CAMK2D: variants seen among roughly 807,000 people sequenced by gnomAD.
CAMK2D encodes calcium/calmodulin dependent protein kinase II delta, also known as calcium/calmodulin-dependent protein kinase type II subunit delta.
In CAMK2D, 37 loss-of-function variants were observed where a neutral mutation model predicts 84.0. That is an observed-to-expected ratio of 0.44 (90% CI 0.34 to 0.58). The LOEUF (loss-of-function observed/expected upper bound fraction) is 0.58. Ranked by LOEUF, CAMK2D falls within the 20% of genes least tolerant of loss-of-function variation. The pLI is 0.02. For synonymous variants in CAMK2D, 202 were observed against 212.5 expected, an observed-to-expected ratio of 0.95 and a Z score of 0.43; for missense variants, 448 against 652.5, an observed-to-expected ratio of 0.69 and a Z score of 3.41.
At chr4:113,602,742 C>G (rs770965696) in intron 4 of CAMK2D, among the ~76,000 whole-genome samples, 4 of 152,184 alleles carry the variant, frequency 2.6e-5, no homozygotes, top group African/African-American at 9.7e-5. Flanking sequence ...AGTTACTCAT[C>G]TCTGAGTGCT....
At position 113,499,971 on chromosome 4, in the gene CAMK2D, T is replaced by C. The variant is rs144225426; in HGVS notation, c.1135+492A>G. 3.9e-3 allele frequency among the ~76,000 whole-genome samples: 588 copies of C among 152,180 alleles called. 1 individual carries two copies. Among genetic ancestry groups the C allele is most frequent in the Non-Finnish European group, 6.2e-3 (419 of 67,974 alleles). Reference sequence around the variant, plus strand: ...AAGTGAATGGAGGTCAAGAATACCTTTGGAATGTACACAAAAAGCTAGGAT... The same window carrying C: ...AAGTGAATGGAGGTCAAGAATACCTCTGGAATGTACACAAAAAGCTAGGAT... On this transcript the variant is annotated intron_variant, in intron 16 of 20. Coordinates refer to ENST00000511664, the MANE Select transcript of CAMK2D (RefSeq NM_001321571.2).
intron 4 of CAMK2D, among the ~76,000 whole-genome samples, chr4:113,575,651 C>A (rs185750145): frequency 1.3e-5 from 2 of 152,268 alleles, no homozygotes; most frequent in Admixed American, 1.3e-4. Context: ...AGTCAGTCAG[C>A]TCTTTATTCT....
Position 113,457,398 on chromosome 4 carries a change from C to T in CAMK2D, c.1472G>A (p.Arg491His), listed in dbSNP as rs369980399. Residue 491 changes from arginine (R) to histidine (H), a missense_variant, in exon 19 of 21, where the codon CGC (arginine) becomes CAC (histidine). Arg to His is a conservative substitution (Grantham distance 29, BLOSUM62 0). This residue lies in a region of CAMK2D where 219 missense variants were observed against 272.1 expected (regional missense o/e 0.80). Coordinates refer to ENST00000511664, the MANE Select transcript of CAMK2D (RefSeq NM_001321571.2). Reference protein sequence around the residue: ...MQSEETRVWHRRDGKWQNVHF... With the variant: ...MQSEETRVWHHRDGKWQNVHF... ...AACATTCTGCCACTTTCCATCCCGGCGGTGCCACACACGAGTCTCTTCTGA... is the reference window on the plus strand; with the variant it reads ...AACATTCTGCCACTTTCCATCCCGGTGGTGCCACACACGAGTCTCTTCTGA... 47 of 1,613,658 alleles carry T rather than the reference C, an allele frequency of 2.9e-5. 1 individual carries two copies. Among genetic ancestry groups the T allele is most frequent in the African/African-American group, 8.0e-5 (6 of 74,874 alleles).
intron 4 of CAMK2D, among the ~76,000 whole-genome samples, chr4:113,606,486 C>T (rs112458712): frequency 0.073 from 10,864 of 148,556 alleles, 1,316 homozygotes; most frequent in African/African-American, 0.26. Flanking sequence ...CAGAGTGAGA[C>T]TCTGTCTCAG....
intron 2 of CAMK2D, among the ~76,000 whole-genome samples, chr4:113,675,575 A>C (rs2099314907): frequency 6.6e-6 from 1 of 152,164 alleles, no homozygotes; most frequent in Non-Finnish European, 1.5e-5. Flanking sequence ...TTCCACAAAA[A>C]GTTAGTATAA....
chr4:113,594,021 T>C (rs987707816), intron 4 of CAMK2D, among the ~76,000 whole-genome samples: 2 of 152,196 alleles, frequency 1.3e-5, no homozygotes. Flanking sequence ...TTCTTCAGGC[T>C]GCACAGGAAG....
intron 18 of CAMK2D, among the ~76,000 whole-genome samples, chr4:113,457,794 T>C (rs1002798321): frequency 1.3e-5 from 2 of 152,226 alleles, no homozygotes; most frequent in Non-Finnish European, 2.9e-5. Context: ...CAGGCATTTA[T>C]ATGCTCTCTG....
At chr4:113,494,527 C>A (rs1022313307) in intron 16 of CAMK2D, among the ~76,000 whole-genome samples, 2 of 152,180 alleles carry the variant, frequency 1.3e-5, no homozygotes. Flanking sequence ...GCTGGGAGAA[C>A]CACTGCTCTC....
At chr4:113,567,518 T>C (rs2154217933) in intron 4 of CAMK2D, among the ~76,000 whole-genome samples, 1 of 152,276 alleles carries the variant, frequency 6.6e-6, no homozygotes, top group East Asian at 1.9e-4. Context: ...CAGGGGGAAA[T>C]CTTAGATCCC....
chr4:113,471,730 G>A (rs558607938), intron 16 of CAMK2D, among the ~76,000 whole-genome samples: 1 of 151,920 alleles, frequency 6.6e-6, no homozygotes, highest in African/African-American at 2.4e-5. Context: ...CTCCCACACC[G>A]GCCTCTCTCA....
chr4:113,550,598 A>T (rs1349648539), intron 5 of CAMK2D, among the ~76,000 whole-genome samples: 2 of 152,226 alleles, frequency 1.3e-5, no homozygotes, highest in African/African-American at 2.4e-5. Flanking sequence ...AATTTCAACC[A>T]GTATTTTTCA....
At chr4:113,473,255 C>A (rs1488885203) in intron 16 of CAMK2D, among the ~76,000 whole-genome samples, 4 of 152,152 alleles carry the variant, frequency 2.6e-5, no homozygotes, top group Admixed American at 6.5e-5. Context: ...ACAAAATTAA[C>A]CCTTGGGAAT....
chr4:113,709,972 T>C (rs1409277693), intron 2 of CAMK2D, among the ~76,000 whole-genome samples: 3 of 151,036 alleles, frequency 2.0e-5, no homozygotes, highest in Non-Finnish European at 4.4e-5. Flanking sequence ...TTCCATGGTT[T>C]GATTCTGTTA....
chr4:113,677,584 T>C (rs2099323791), intron 2 of CAMK2D: 1 of 974,820 alleles, frequency 1.0e-6, no homozygotes, highest in African/African-American at 1.8e-5. Context: ...GAGCCTTCTC[T>C]AAGAGTCAAG....
At chr4:113,560,370 G>A (rs893462621) in intron 4 of CAMK2D, among the ~76,000 whole-genome samples, 6 of 151,982 alleles carry the variant, frequency 3.9e-5, no homozygotes, top group Admixed American at 1.3e-4. Context: ...CATGCTAATG[G>A]ACAAGAATAT....
At chr4:113,623,298 T>TA (rs1194590009) in intron 3 of CAMK2D, among the ~76,000 whole-genome samples, 1 of 152,056 alleles carries the variant, frequency 6.6e-6, no homozygotes, top group Non-Finnish European at 1.5e-5. Flanking sequence ...AAGTATTTTA[T>TA]AAAAAATAAA....
At chr4:113,494,248 G>GT (rs769045249) in intron 16 of CAMK2D, among the ~76,000 whole-genome samples, 15 of 152,260 alleles carry the variant, frequency 9.9e-5, no homozygotes, top group African/African-American at 3.1e-4. Flanking sequence ...TTTCTTTTCT[G>GT]TTTTTTCCCC....
chr4:113,544,051 A>G (rs1306297157), intron 6 of CAMK2D, among the ~76,000 whole-genome samples: 1 of 152,146 alleles, frequency 6.6e-6, no homozygotes, highest in East Asian at 1.9e-4. Flanking sequence ...TTAAGCACCC[A>G]ATACTAATTG....
At chr4:113,666,091 C>T (rs1157124255) in intron 2 of CAMK2D, among the ~76,000 whole-genome samples, 1 of 152,156 alleles carries the variant, frequency 6.6e-6, no homozygotes, top group Non-Finnish European at 1.5e-5. Flanking sequence ...AAATTTTAAT[C>T]TTTATGCAAA....
Sources: allele counts gnomAD v4.1 joint callset (sites outside exome capture counted in the v4.1 genomes callset), GRCh38; gene constraint gnomAD v4.1.1; regional missense constraint gnomAD v4.1.1; transcripts MANE v1.5; gene names NCBI Gene and HGNC (gene_info 2026-07-23, HGNC 2026-07-21).